NALF1: variants seen among roughly 807,000 people sequenced by gnomAD.
The protein encoded by NALF1 is NALCN channel auxiliary factor 1.
Under a neutral mutation model 48.4 loss-of-function variants are expected in NALF1, and 3 were observed. That is an observed-to-expected ratio of 0.06 (90% CI 0.03 to 0.16). The LOEUF (loss-of-function observed/expected upper bound fraction) is 0.16, where lower values mean the gene tolerates loss of function less well. NALF1 is among the 10% of genes least tolerant of loss of function. NALF1 has a pLI of 1.00. For synonymous variants in NALF1, 262 were observed against 245.7 expected (o/e 1.07, Z -0.62); for missense variants, 526 against 571.5 (o/e 0.92, Z 0.81).
At chr13:107,733,363 G>A (rs1472643106) in intron 1 of NALF1, among the ~76,000 whole-genome samples, 1 of 152,094 alleles carries the variant, frequency 6.6e-6, no homozygotes, top group African/African-American at 2.4e-5. Flanking sequence ...ATTATCAAGA[G>A]AGTAAATTCA....
intron 1 of NALF1, among the ~76,000 whole-genome samples, chr13:107,527,899 T>A (rs561253053): frequency 5.3e-5 from 8 of 152,286 alleles, no homozygotes; most frequent in African/African-American, 1.9e-4. Flanking sequence ...GTCTCAGGTA[T>A]GTCTTTATCA....
intron 1 of NALF1, among the ~76,000 whole-genome samples, chr13:107,644,394 C>T (rs1880247235): frequency 6.6e-6 from 1 of 151,266 alleles, no homozygotes; most frequent in Non-Finnish European, 1.5e-5. Context: ...TATTATTTCC[C>T]CTGTTTACAG....
chr13:107,415,029 T>C (rs536437688), intron 1 of NALF1, among the ~76,000 whole-genome samples: 43 of 152,288 alleles, frequency 2.8e-4, no homozygotes, highest in African/African-American at 7.5e-4. Flanking sequence ...AAAGATAAAT[T>C]ATAATGCTTA....
At chr13:107,368,470 C>T (rs1185912231) in intron 1 of NALF1, among the ~76,000 whole-genome samples, 1 of 152,054 alleles carries the variant, frequency 6.6e-6, no homozygotes, top group Non-Finnish European at 1.5e-5. Flanking sequence ...TTTCTTACAG[C>T]TCTGGAAAAA....
chr13:107,242,223 G>A (rs1339080297), intron 1 of NALF1, among the ~76,000 whole-genome samples: 1 of 152,174 alleles, frequency 6.6e-6, no homozygotes, highest in African/African-American at 2.4e-5. Flanking sequence ...GCGGTTCTAA[G>A]CACAGAGTTG....
At chr13:107,580,413 G>T (rs1878271827) in intron 1 of NALF1, among the ~76,000 whole-genome samples, 1 of 151,998 alleles carries the variant, frequency 6.6e-6, no homozygotes, top group East Asian at 1.9e-4. Context: ...TGCCTGAATT[G>T]TGTGCAGGGC....
At chr13:107,448,225 G>C (rs963130737) in intron 1 of NALF1, among the ~76,000 whole-genome samples, 3 of 152,042 alleles carry the variant, frequency 2.0e-5, no homozygotes, top group African/African-American at 7.2e-5. Flanking sequence ...GTCTGTATCA[G>C]GCCACATTTC....
chr13:107,616,820 C>T (rs765531627), intron 1 of NALF1, among the ~76,000 whole-genome samples: 1 of 152,292 alleles, frequency 6.6e-6, no homozygotes, highest in Non-Finnish European at 1.5e-5. Flanking sequence ...CAACCAACTC[C>T]AAAACGCCTT....
intron 1 of NALF1, among the ~76,000 whole-genome samples, chr13:107,774,285 A>T (rs1430509198): frequency 6.6e-6 from 1 of 152,226 alleles, no homozygotes; most frequent in East Asian, 1.9e-4. Flanking sequence ...ATGGTTTACA[A>T]ATATTAGTGT....
chr13:107,474,604 T>C (rs914393476), intron 1 of NALF1, among the ~76,000 whole-genome samples: 4 of 152,104 alleles, frequency 2.6e-5, no homozygotes, highest in African/African-American at 9.7e-5. Context: ...AGAGAGAAAA[T>C]GTAGCAGAAT....
chr13:107,530,325 A>G (rs1052558945), intron 1 of NALF1, among the ~76,000 whole-genome samples: 11 of 152,014 alleles, frequency 7.2e-5, no homozygotes, highest in African/African-American at 2.4e-4. Flanking sequence ...TTTGTTTCCT[A>G]TTTACTACCT....
intron 1 of NALF1, among the ~76,000 whole-genome samples, chr13:107,620,675 G>C (rs927084866): frequency 2.0e-5 from 3 of 152,034 alleles, no homozygotes; most frequent in African/African-American, 7.2e-5. Flanking sequence ...TGCATGTTTA[G>C]TATACAAAAA....
intron 1 of NALF1, among the ~76,000 whole-genome samples, chr13:107,634,736 G>A (rs917215421): frequency 1.3e-5 from 2 of 152,050 alleles, no homozygotes; most frequent in Non-Finnish European, 2.9e-5. Flanking sequence ...AAAATGTTGG[G>A]AGAATCAAGA....
At chr13:107,794,870 G>A (rs1236009551) in intron 1 of NALF1, among the ~76,000 whole-genome samples, 1 of 151,918 alleles carries the variant, frequency 6.6e-6, no homozygotes, top group Non-Finnish European at 1.5e-5. Flanking sequence ...CAAAATAATT[G>A]GTTTATTTTA....
intron 1 of NALF1, among the ~76,000 whole-genome samples, chr13:107,687,159 C>T (rs958939817): frequency 6.6e-6 from 1 of 152,070 alleles, no homozygotes; most frequent in Non-Finnish European, 1.5e-5. Context: ...AACATGGATG[C>T]AGCTAGAGGC....
chr13:107,354,814 T>C (rs1254095474), intron 1 of NALF1, among the ~76,000 whole-genome samples: 1 of 152,150 alleles, frequency 6.6e-6, no homozygotes, highest in African/African-American at 2.4e-5. Flanking sequence ...AGGGTTTTGT[T>C]TGTGTAAAAG....
chr13:107,318,867 G>A (rs1174560519), intron 1 of NALF1, among the ~76,000 whole-genome samples: 1 of 152,048 alleles, frequency 6.6e-6, no homozygotes, highest in Non-Finnish European at 1.5e-5. Context: ...AATTGACATG[G>A]TCCACCTATG....
intron 1 of NALF1, among the ~76,000 whole-genome samples, chr13:107,432,628 C>G (rs1271008716): frequency 6.6e-6 from 1 of 152,080 alleles, no homozygotes; most frequent in Non-Finnish European, 1.5e-5. Flanking sequence ...TACACCCCAG[C>G]CTTCAACCTC....
intron 1 of NALF1, among the ~76,000 whole-genome samples, chr13:107,845,987 CA>C (rs553417671): frequency 6.6e-6 from 1 of 151,546 alleles, no homozygotes; most frequent in Non-Finnish European, 1.5e-5. Context: ...GAGTATACAG[CA>C]AAAAAAATAG....
Sources: gnomAD v4.1 joint callset for allele counts (sites outside exome capture counted in the v4.1 genomes callset) on GRCh38, gnomAD v4.1.1 for gene constraint, MANE v1.5 for transcripts, NCBI Gene and HGNC (gene_info 2026-07-23, HGNC 2026-07-21) for gene names.